Variants in SLCO5A1 observed in about 807,000 individuals in gnomAD.
SLCO5A1 encodes the protein organic anion transporter polypeptide-related protein 4.
SLCO5A1 carries 39 observed loss-of-function variants against 65.1 expected under a neutral mutation model. The observed-to-expected ratio is 0.60, with a 90% confidence interval of 0.46 to 0.78. The LOEUF (loss-of-function observed/expected upper bound fraction) is 0.78, where lower values mean the gene tolerates loss of function less well. Ranked by LOEUF, SLCO5A1 falls within the 30% of genes least tolerant of loss-of-function variation. The probability of loss-of-function intolerance (pLI) is 0.00; values close to 1 mark genes in which losing one functional copy is unlikely to be tolerated. For synonymous variants in SLCO5A1, 438 were observed against 415.7 expected (o/e 1.05, Z -0.65); for missense variants, 1,029 against 1,069.4 (o/e 0.96, Z 0.53).
intron 2 of SLCO5A1, among the ~76,000 whole-genome samples, chr8:69,768,901 C>T (rs1022673359): frequency 6.6e-6 from 1 of 152,164 alleles, no homozygotes; most frequent in African/African-American, 2.4e-5. Context: ...GCTCGTCTAA[C>T]ATGTCTGTCC....
At chr8:69,719,427 T>C (rs976277232) in intron 5 of SLCO5A1, among the ~76,000 whole-genome samples, 2 of 152,204 alleles carry the variant, frequency 1.3e-5, no homozygotes, top group African/African-American at 4.8e-5. Flanking sequence ...AATCCATTAA[T>C]TAATCAACCT....
intron 2 of SLCO5A1, among the ~76,000 whole-genome samples, chr8:69,819,560 G>A (rs933404131): frequency 6.6e-6 from 1 of 152,164 alleles, no homozygotes; most frequent in African/African-American, 2.4e-5. Context: ...AGAACTCAAG[G>A]TGGGGAAAGA....
intron 2 of SLCO5A1, among the ~76,000 whole-genome samples, chr8:69,782,270 A>C (rs903938349): frequency 6.6e-6 from 1 of 152,126 alleles, no homozygotes; most frequent in Non-Finnish European, 1.5e-5. Context: ...ATTATAAGTT[A>C]TATAAAAAGG....
intron 5 of SLCO5A1, among the ~76,000 whole-genome samples, chr8:69,710,513 A>T (rs1815191095): frequency 6.6e-6 from 1 of 152,098 alleles, no homozygotes. Flanking sequence ...CTAGGGTGAG[A>T]TGAGCTGGAG....
At chr8:69,788,728 C>A (rs1308816655) in intron 2 of SLCO5A1, among the ~76,000 whole-genome samples, 5 of 152,068 alleles carry the variant, frequency 3.3e-5, no homozygotes, top group African/African-American at 4.8e-5. Context: ...GAATTAGATA[C>A]TATAACAATA....
At chr8:69,824,077 A>G (rs1437163814) in intron 2 of SLCO5A1, among the ~76,000 whole-genome samples, 2 of 152,192 alleles carry the variant, frequency 1.3e-5, no homozygotes, top group Non-Finnish European at 2.9e-5. Flanking sequence ...TTTGAAACCA[A>G]CGAGAACAAA....
intron 5 of SLCO5A1, among the ~76,000 whole-genome samples, chr8:69,724,772 T>C (rs1815988317): frequency 6.6e-6 from 1 of 152,224 alleles, no homozygotes; most frequent in African/African-American, 2.4e-5. Flanking sequence ...GTGATCTTTA[T>C]GAGTAAACAG....
chr8:69,709,578 G>C (rs1281406206), intron 5 of SLCO5A1, among the ~76,000 whole-genome samples: 1 of 152,164 alleles, frequency 6.6e-6, no homozygotes, highest in Admixed American at 6.5e-5. Flanking sequence ...CAGAAAAGTA[G>C]GAAGGAACAA....
chr8:69,697,054 C>T (rs1267252735), intron 6 of SLCO5A1, among the ~76,000 whole-genome samples: 1 of 151,796 alleles, frequency 6.6e-6, no homozygotes, highest in East Asian at 1.9e-4. Context: ...CTAGAGAACA[C>T]AGGGAAAAGA....
intron 4 of SLCO5A1, among the ~76,000 whole-genome samples, chr8:69,750,418 T>C (rs891913411): frequency 4.1e-4 from 63 of 152,076 alleles, no homozygotes; most frequent in African/African-American, 1.5e-3. Flanking sequence ...AAACACCGAC[T>C]CAAACCTCCC....
At chr8:69,765,401 TACAC>T (rs374857488) in intron 2 of SLCO5A1, among the ~76,000 whole-genome samples, 3 of 149,632 alleles carry the variant, frequency 2.0e-5, no homozygotes, top group Admixed American at 6.7e-5. Flanking sequence ...TATATATATA[TACAC>T]ACACACACAC....
intron 2 of SLCO5A1, among the ~76,000 whole-genome samples, chr8:69,830,362 T>C (rs1178480144): frequency 6.6e-6 from 1 of 152,178 alleles, no homozygotes; most frequent in Non-Finnish European, 1.5e-5. Context: ...TTATTTATCA[T>C]TTTAATTTTT....
At chr8:69,685,386 A>G (rs1368432014) in intron 6 of SLCO5A1, among the ~76,000 whole-genome samples, 1 of 152,188 alleles carries the variant, frequency 6.6e-6, no homozygotes, top group East Asian at 1.9e-4. Context: ...CACAAGGACT[A>G]TTTACTGAAG....
chr8:69,680,354 T>G (rs559070860), intron 7 of SLCO5A1, among the ~76,000 whole-genome samples: 1 of 152,204 alleles, frequency 6.6e-6, no homozygotes, highest in Non-Finnish European at 1.5e-5. Context: ...ACCCAATGTT[T>G]AGCTCCCACT....
chr8:69,794,600 T>C lies in SLCO5A1; in HGVS notation c.908-32725A>G, dbSNP rs543749993. ...AGACCTTAGATTACCGGTTTGGAAATTGTATACAGTTTTTGCTTTAGCAAT... is the reference window on the plus strand; with the variant it reads ...AGACCTTAGATTACCGGTTTGGAAACTGTATACAGTTTTTGCTTTAGCAAT... On this transcript the variant is annotated intron_variant, in intron 2 of 9. Transcript: ENST00000260126. The C allele has an allele frequency of 4.4e-4, 146 of 329,664 alleles. 3 individuals are homozygous for C. The highest frequency in any genetic ancestry group is 3.3e-3 in the South Asian group (120 of 36,886). 20.4% of individuals were successfully genotyped at this position (329,664 alleles called of 1,614,324 possible).
At chr8:69,775,454 A>G (rs779098540) in intron 2 of SLCO5A1, among the ~76,000 whole-genome samples, 2 of 152,276 alleles carry the variant, frequency 1.3e-5, no homozygotes, top group South Asian at 4.1e-4. Flanking sequence ...CCTAGAACTT[A>G]AAGTATAATA....
rs887651176 is a variant in SLCO5A1, at chr8:69,773,719, C to T, written c.908-11844G>A. 3.3e-5 allele frequency among the ~76,000 whole-genome samples: 5 copies of T among 152,238 alleles called. 1 individual carries two copies. The stretch of plus-strand genomic sequence containing the variant: ...CTTTGGGGGTCACCCCTATTGCACA[C>T]AGTCCTGATAGCCTGTCATTCATGG... On this transcript the variant is annotated intron_variant, in intron 2 of 9. Transcript: ENST00000260126.
chr8:69,723,021 C>T (rs555811530), intron 5 of SLCO5A1, among the ~76,000 whole-genome samples: 5 of 152,174 alleles, frequency 3.3e-5, no homozygotes, highest in African/African-American at 1.2e-4. Context: ...TAGTATAAGA[C>T]ACAACAAAAC....
intron 2 of SLCO5A1, among the ~76,000 whole-genome samples, chr8:69,763,047 C>T (rs535923106): frequency 1.3e-5 from 2 of 152,276 alleles, no homozygotes; most frequent in East Asian, 3.9e-4. Flanking sequence ...CGGTGGGTCA[C>T]GCCTGTAATC....
Sources: allele counts gnomAD v4.1 joint callset (sites outside exome capture counted in the v4.1 genomes callset), GRCh38; gene constraint gnomAD v4.1.1; transcripts MANE v1.5; gene names NCBI Gene and HGNC (gene_info 2026-07-23, HGNC 2026-07-21).